Variants in PLB1 observed in about 807,000 individuals in gnomAD.
PLB1 encodes the protein phospholipase B1, membrane-associated.
In PLB1, 242 loss-of-function variants were observed where a neutral mutation model predicts 227.4. The ratio of observed to expected loss-of-function variants is 1.06; its 90% CI spans 0.96 to 1.18. The LOEUF (loss-of-function observed/expected upper bound fraction) is 1.18. Ranked by LOEUF, PLB1 falls within the 50% of genes most tolerant of loss-of-function variation. The probability of loss-of-function intolerance (pLI) is 0.00; values close to 1 mark genes in which losing one functional copy is unlikely to be tolerated. For synonymous variants in PLB1, 757 were observed against 682.2 expected (o/e 1.11, Z -1.71); for missense variants, 1,858 against 1,816.3 (o/e 1.02, Z -0.42).
chr2:28,588,112 C>T (rs1166760432), intron 26 of PLB1, among the ~76,000 whole-genome samples: 1 of 151,984 alleles, frequency 6.6e-6, no homozygotes, highest in East Asian at 1.9e-4. Context: ...CTCTCTCACT[C>T]TCCCTGGAGA....
At chr2:28,622,593 T>C (rs1687189388) in intron 49 of PLB1, among the ~76,000 whole-genome samples, 1 of 152,174 alleles carries the variant, frequency 6.6e-6, no homozygotes, top group South Asian at 2.1e-4. Flanking sequence ...AGGTGGTTAC[T>C]AAAAGATACA....
chr2:28,629,471 G>C (rs1447834793), intron 53 of PLB1, among the ~76,000 whole-genome samples: 1 of 152,236 alleles, frequency 6.6e-6, no homozygotes, highest in African/African-American at 2.4e-5. Flanking sequence ...GGCAAACCTT[G>C]GCACGCTGCT....
intron 19 of PLB1, 118 bp from the exon 20 acceptor site, chr2:28,566,678 C>A: frequency 1.8e-6 from 2 of 1,137,950 alleles, no homozygotes; most frequent in East Asian, 2.4e-5. Context: ...GGGGAAAGTG[C>A]AAGCTCCAGG....
intron 1 of PLB1, among the ~76,000 whole-genome samples, chr2:28,499,793 G>A (rs1666875145): frequency 6.6e-6 from 1 of 152,088 alleles, no homozygotes; most frequent in Non-Finnish European, 1.5e-5. Flanking sequence ...GTTGAGGCAG[G>A]AGAATTGCTT....
intron 20 of PLB1, among the ~76,000 whole-genome samples, chr2:28,567,305 A>G (rs1213368804): frequency 1.3e-5 from 2 of 152,136 alleles, no homozygotes; most frequent in African/African-American, 2.4e-5. Context: ...GCGCAGGCAC[A>G]GCTGCGCACA....
rs1683245236 is a variant in PLB1, at chr2:28,598,005, T to G, written c.2322T>G (p.Ser774Arg). 6.2e-7 allele frequency: 1 copy of G among 1,612,518 alleles called. No homozygotes were observed. Among genetic ancestry groups the G allele is most frequent in the African/African-American group, 1.3e-5 (1 of 74,864 alleles). The change falls in exon 34 of 58, where the codon AGT (serine) becomes AGG (arginine). Residue 774 changes from serine (S) to arginine (R), a missense_variant and splice_region_variant. Physicochemically the swap from Ser to Arg is moderately radical, Grantham distance 110. Coordinates refer to ENST00000327757, the MANE Select transcript of PLB1 (RefSeq NM_153021.5). Reference sequence around the variant, plus strand: ...TCACTGGCTTGCTCACTCCCTACAGTGCAGGAGGGGACGGCTCCCTGGAGA... The same window carrying G: ...TCACTGGCTTGCTCACTCCCTACAGGGCAGGAGGGGACGGCTCCCTGGAGA... ...VTTQYRGLSY[S>R]AGGDGSLENV... is the part of the protein sequence containing the mutation.
intron 56 of PLB1, among the ~76,000 whole-genome samples, chr2:28,639,122 G>T (rs983766842): frequency 6.6e-6 from 1 of 151,534 alleles, no homozygotes; most frequent in African/African-American, 2.4e-5. Context: ...AGAAAGAATA[G>T]GTAGGTAGAA....
intron 4 of PLB1, among the ~76,000 whole-genome samples, chr2:28,521,057 G>T (rs560287506): frequency 1.1e-4 from 17 of 152,212 alleles, no homozygotes; most frequent in African/African-American, 4.1e-4. Context: ...TTTGTGACTG[G>T]CTTCACTTAG....
At chr2:28,559,825 C>T (rs1675763823) in intron 17 of PLB1, among the ~76,000 whole-genome samples, 2 of 137,004 alleles carry the variant, frequency 1.5e-5, no homozygotes, top group Admixed American at 8.2e-5. Flanking sequence ...AATCTCGGCT[C>T]ACTGCAGCCT....
In PLB1 at chr2:28,640,955, CCAA is replaced by C. The variant is rs756739683; in HGVS notation, c.4132_4134del (p.Asn1378del). The C allele has an allele frequency of 1.9e-6, 3 of 1,613,922 alleles. No individual in the cohort carries two copies. The highest frequency in any genetic ancestry group is 2.5e-6 in the Non-Finnish European group (3 of 1,179,900). The stretch of plus-strand genomic sequence containing the variant: ...GAACCAGTGGGCCGCAAGACTACCT[CCAA>C]CAACTTCACCCACAGCCGAGCCAAA... On this transcript the variant is annotated inframe_deletion, in exon 57 of 58. Coordinates refer to ENST00000327757, the MANE Select transcript of PLB1 (RefSeq NM_153021.5).
chr2:28,556,818 G>A (rs1229707699), intron 17 of PLB1, among the ~76,000 whole-genome samples: 1 of 152,168 alleles, frequency 6.6e-6, no homozygotes, highest in Admixed American at 6.5e-5. Flanking sequence ...GTCACCAATA[G>A]TATAAACCAG....
At chr2:28,524,804 G>A (rs1209408053) in intron 4 of PLB1, among the ~76,000 whole-genome samples, 3 of 151,450 alleles carry the variant, frequency 2.0e-5, no homozygotes, top group Non-Finnish European at 4.4e-5. Flanking sequence ...CCCTGCAGAA[G>A]GAGCCTTCAT....
intron 57 of PLB1, among the ~76,000 whole-genome samples, 165 bp downstream of exon 57, chr2:28,641,166 CAG>C (rs1381724553): frequency 2.0e-5 from 3 of 152,218 alleles, no homozygotes; most frequent in African/African-American, 7.2e-5. Context: ...GGAAACTTCT[CAG>C]TGTGTGGGCA....
chr2:28,577,747 AG>A (rs1468404831), intron 21 of PLB1, among the ~76,000 whole-genome samples: 1 of 152,254 alleles, frequency 6.6e-6, no homozygotes, highest in Non-Finnish European at 1.5e-5. Context: ...AGGCTGAATC[AG>A]GAGAATTGCT....
intron 4 of PLB1, among the ~76,000 whole-genome samples, chr2:28,520,300 C>T (rs937006485): frequency 1.1e-4 from 17 of 151,946 alleles, no homozygotes; most frequent in African/African-American, 3.9e-4. Context: ...TTGGGGTTTC[C>T]CATTAATAAA....
chr2:28,525,784 C>A, intron 5 of PLB1, 121 bp from the exon 6 acceptor site: 1 of 1,261,710 alleles, frequency 7.9e-7, no homozygotes, highest in Non-Finnish European at 1.1e-6. Context: ...GGAGGATAAT[C>A]CCAGAACCAG....
chr2:28,562,094 GA>G (rs1199666957), intron 17 of PLB1, among the ~76,000 whole-genome samples: 1 of 152,134 alleles, frequency 6.6e-6, no homozygotes, highest in Non-Finnish European at 1.5e-5. Context: ...AATGGAGAGT[GA>G]CCACTTAATG....
chr2:28,554,247 T>C (rs1310740427), intron 17 of PLB1, among the ~76,000 whole-genome samples: 1 of 152,018 alleles, frequency 6.6e-6, no homozygotes, highest in African/African-American at 2.4e-5. Context: ...CAAAAATAGA[T>C]AGATTAGGTA....
chr2:28,581,503 A>T (rs1213100822), intron 23 of PLB1, among the ~76,000 whole-genome samples: 5 of 131,358 alleles, frequency 3.8e-5, no homozygotes, highest in Non-Finnish European at 6.4e-5. Context: ...ATAAATAAAT[A>T]AATAAATAAA....
Sources: gnomAD v4.1 joint callset for allele counts (sites outside exome capture counted in the v4.1 genomes callset) on GRCh38, gnomAD v4.1.1 for gene constraint, MANE v1.5 for transcripts, NCBI Gene and HGNC (gene_info 2026-07-23, HGNC 2026-07-21) for gene names.